HTR4: variants seen among roughly 807,000 people sequenced by gnomAD.
HTR4 encodes the protein 5-hydroxytryptamine receptor 4.
In HTR4, 16 loss-of-function variants were observed where a neutral mutation model predicts 36.8. The observed-to-expected ratio is 0.43, with a 90% CI of 0.29 to 0.66. The LOEUF is 0.66. Ranked by LOEUF, HTR4 falls within the 30% of genes least tolerant of loss-of-function variation. The pLI is 0.13. For synonymous variants in HTR4, 189 were observed against 185.1 expected (o/e 1.02, Z -0.17); for missense variants, 438 against 490.9 (o/e 0.89, Z 1.02).
At chr5:148,471,257 T>G (rs1399246042) in intron 5 of HTR4, among the ~76,000 whole-genome samples, 2 of 152,196 alleles carry the variant, frequency 1.3e-5, no homozygotes, top group African/African-American at 4.8e-5. Flanking sequence ...GGGGGCTAGA[T>G]AGCAGGCTGA....
At chr5:148,497,803 A>C (rs985785222) in intron 6 of HTR4, among the ~76,000 whole-genome samples, 1 of 152,236 alleles carries the variant, frequency 6.6e-6, no homozygotes, top group East Asian at 1.9e-4. Context: ...CACTGGCATT[A>C]TGCCTCTTTC....
intron 4 of HTR4, among the ~76,000 whole-genome samples, chr5:148,539,004 G>A (rs937381700): frequency 1.3e-5 from 2 of 152,160 alleles, no homozygotes; most frequent in African/African-American, 4.8e-5. Context: ...AACCAAAACA[G>A]CATGGTACTG....
chr5:148,472,345 AT>A (rs1322508154), downstream of HTR4, among the ~76,000 whole-genome samples: 1 of 152,192 alleles, frequency 6.6e-6, no homozygotes, highest in East Asian at 1.9e-4. Context: ...AATTGATAGC[AT>A]TTTTTCCTTA....
chr5:148,633,679 A>G (rs763862747), intron 2 of HTR4, among the ~76,000 whole-genome samples: 1 of 151,938 alleles, frequency 6.6e-6, no homozygotes, highest in African/African-American at 2.4e-5. Context: ...AGTGATTGTC[A>G]TCTAGCTACA....
chr5:148,633,802 T>G (rs1228291875), intron 2 of HTR4, among the ~76,000 whole-genome samples: 14 of 152,124 alleles, frequency 9.2e-5, no homozygotes, highest in Admixed American at 9.2e-4. Context: ...TTTCTTCCTG[T>G]GGTTGGCCAT....
intron 6 of HTR4, chr5:148,484,371 A>C (rs770375784): frequency 6.2e-7 from 1 of 1,611,808 alleles, no homozygotes; most frequent in Non-Finnish European, 8.5e-7. Context: ...GTCAAACAGA[A>C]AATCTGTCCT....
At position 148,547,087 on chromosome 5, in the gene HTR4, A is replaced by G. The variant is rs912410238; in HGVS notation, c.353+1581T>C. On this transcript the variant is annotated intron_variant, in intron 4 of 6. Coordinates refer to ENST00000377888, the MANE Select transcript of HTR4 (RefSeq NM_000870.7). ...TATGTTCTTGGCAGAGGAAAAGAGA[A>G]AGCAATTTAAATACAGCAGGCCATT... Among the ~76,000 whole-genome samples, 4 of 152,170 alleles carry G rather than the reference A, an allele frequency of 2.6e-5. No homozygotes were observed. In the South Asian group the frequency reaches 8.3e-4, roughly 32 times the overall value.
At chr5:148,517,540 T>C (rs1757813203) in intron 5 of HTR4, among the ~76,000 whole-genome samples, 1 of 152,124 alleles carries the variant, frequency 6.6e-6, no homozygotes, top group African/African-American at 2.4e-5. Flanking sequence ...TCATCTCGAT[T>C]GATGGTTACT....
intron 2 of HTR4, among the ~76,000 whole-genome samples, chr5:148,559,314 T>G (rs1760089129): frequency 6.6e-6 from 1 of 152,244 alleles, no homozygotes; most frequent in Non-Finnish European, 1.5e-5. Flanking sequence ...TAATTGTATG[T>G]GTGTGGCTTC....
intron 2 of HTR4, chr5:148,630,136 C>T (rs1413926105): frequency 2.0e-5 from 3 of 152,196 alleles, no homozygotes; most frequent in Non-Finnish European, 4.4e-5. Flanking sequence ...CCTGCTCTGC[C>T]ATGGAGCTCT....
intron 2 of HTR4, among the ~76,000 whole-genome samples, chr5:148,627,490 T>C (rs1380370240): frequency 6.6e-6 from 1 of 152,236 alleles, no homozygotes; most frequent in Non-Finnish European, 1.5e-5. Context: ...AAACGTCAGT[T>C]ACACTGTTGA....
At chr5:148,472,396 A>C (rs1428639194), downstream of HTR4, among the ~76,000 whole-genome samples, 1 of 152,136 alleles carries the variant, frequency 6.6e-6, no homozygotes, top group Non-Finnish European at 1.5e-5. Flanking sequence ...CATTTCTGTT[A>C]TCTCCTGAGA....
At chr5:148,609,285 C>A (rs1816067) in intron 2 of HTR4, among the ~76,000 whole-genome samples, 8 of 151,994 alleles carry the variant, frequency 5.3e-5, no homozygotes, top group South Asian at 2.1e-4. Context: ...TGATCACATG[C>A]CCCCAAATAA....
At chr5:148,621,838 T>G (rs1752929875) in intron 2 of HTR4, among the ~76,000 whole-genome samples, 1 of 152,226 alleles carries the variant, frequency 6.6e-6, no homozygotes, top group South Asian at 2.1e-4. Context: ...ATTATCATTT[T>G]TAGAACTTGC....
downstream of HTR4, among the ~76,000 whole-genome samples, chr5:148,480,594 G>A (rs1157455369): frequency 6.6e-6 from 1 of 152,132 alleles, no homozygotes; most frequent in African/African-American, 2.4e-5. Flanking sequence ...GGCCAGGCTC[G>A]AACTCCTGAC....
At chr5:148,490,912 T>C (rs886834074) in intron 6 of HTR4, 1 of 446,386 alleles carries the variant, frequency 2.2e-6, no homozygotes, top group African/African-American at 2.0e-5. Flanking sequence ...GCATCCCCAG[T>C]TCCTTCTACT....
intron 6 of HTR4, among the ~76,000 whole-genome samples, chr5:148,505,179 C>G (rs1039882141): frequency 1.9e-4 from 29 of 152,280 alleles, no homozygotes; most frequent in African/African-American, 7.0e-4. Context: ...CCACCATAAT[C>G]AAGTGGGCTT....
chr5:148,538,146 T>C (rs1467824586), intron 4 of HTR4, among the ~76,000 whole-genome samples: 2 of 151,986 alleles, frequency 1.3e-5, no homozygotes, highest in African/African-American at 4.8e-5. Flanking sequence ...ATAATCTCAA[T>C]AGAAGCAGAA....
At chr5:148,549,728 G>A (rs989873904) in intron 3 of HTR4, among the ~76,000 whole-genome samples, 1 of 152,128 alleles carries the variant, frequency 6.6e-6, no homozygotes, top group Non-Finnish European at 1.5e-5. Flanking sequence ...TGCTTCAGGT[G>A]GTTCTAATTG....
Sources: gnomAD v4.1 joint callset for allele counts (sites outside exome capture counted in the v4.1 genomes callset) on GRCh38, gnomAD v4.1.1 for gene constraint, MANE v1.5 for transcripts, NCBI Gene and HGNC (gene_info 2026-07-23, HGNC 2026-07-21) for gene names.